The following PPTC7 variants were observed in gnomAD, a reference collection of about 807,000 sequenced individuals.
The protein encoded by PPTC7 is protein phosphatase PTC7 homolog.
In PPTC7, 6 loss-of-function variants were observed where a neutral mutation model predicts 30.8. That is an observed-to-expected ratio of 0.19 (90% confidence interval 0.11 to 0.38). The LOEUF (loss-of-function observed/expected upper bound fraction) is 0.38, where lower values mean the gene tolerates loss of function less well. Among genes scored for constraint, PPTC7 ranks in the 10% least tolerant of loss-of-function variants. The pLI is 1.00. For synonymous variants in PPTC7, 163 were observed against 168.1 expected, an observed-to-expected ratio of 0.97 and a Z score of 0.23; for missense variants, 218 against 404.8, an observed-to-expected ratio of 0.54 and a Z score of 3.96.
chr12:110,536,241 G>T lies in PPTC7; in HGVS notation c.*796C>A, dbSNP rs2064217397. ...CAATTAAATTTCTAGGCTTTGAGGG[G>T]TTTTACAACCTTGAGTATTATTTCC... is the stretch of plus-strand genomic sequence containing the variant. On this transcript the variant is annotated 3_prime_UTR_variant, in exon 6 of 6. Transcript: ENST00000354300. 1 of 152,208 alleles carries T rather than the reference G, an allele frequency of 6.6e-6. No homozygotes were observed. Among genetic ancestry groups the T allele is most frequent in the South Asian group, 2.1e-4 (1 of 4,824 alleles). 9.4% of individuals were successfully genotyped at this position (152,208 alleles called of 1,614,324 possible). A position where few individuals can be genotyped will look rare whatever the true frequency, so the allele number is the denominator to read the frequency against.
intron 3 of PPTC7, among the ~76,000 whole-genome samples, chr12:110,545,117 G>C (rs1375105873): frequency 6.6e-6 from 1 of 151,944 alleles, no homozygotes; most frequent in Non-Finnish European, 1.5e-5. Flanking sequence ...TTTTGAGACA[G>C]AGTCTTGCTC....
At chr12:110,541,808 A>T (rs2064262461) in intron 3 of PPTC7, among the ~76,000 whole-genome samples, 1 of 151,886 alleles carries the variant, frequency 6.6e-6, no homozygotes, top group Non-Finnish European at 1.5e-5. Context: ...CATCATACGT[A>T]GGTATTTATT....
intron 1 of PPTC7, among the ~76,000 whole-genome samples, chr12:110,570,151 G>C (rs2064521453): frequency 1.3e-5 from 2 of 150,898 alleles, no homozygotes; most frequent in African/African-American, 4.9e-5. Context: ...TTGAGATTCT[G>C]TTAATCTATA....
chr12:110,547,488 A>G (rs568321535), intron 2 of PPTC7, among the ~76,000 whole-genome samples: 31 of 152,348 alleles, frequency 2.0e-4, no homozygotes, highest in African/African-American at 7.5e-4. Flanking sequence ...TATAGCCATT[A>G]AGATTATGTA....
intron 1 of PPTC7, among the ~76,000 whole-genome samples, chr12:110,559,531 G>C (rs1002522872): frequency 1.3e-5 from 2 of 151,566 alleles, no homozygotes; most frequent in Non-Finnish European, 2.9e-5. Flanking sequence ...TTCAAGACCA[G>C]CCTGTCCAAC....
intron 1 of PPTC7, among the ~76,000 whole-genome samples, chr12:110,556,932 G>C (rs1439602729): frequency 6.6e-6 from 1 of 152,126 alleles, no homozygotes; most frequent in African/African-American, 2.4e-5. Context: ...AGTGGCATTC[G>C]GATAGGCCCT....
At chr12:110,570,455 G>A (rs1296042395) in intron 1 of PPTC7, among the ~76,000 whole-genome samples, 2 of 25,388 alleles carry the variant, frequency 7.9e-5, no homozygotes, top group African/African-American at 3.0e-4. Context: ...CCCGACACCC[G>A]TAAAGGGTCT....
chr12:110,570,198 C>T (rs1014024477), intron 1 of PPTC7, among the ~76,000 whole-genome samples: 12 of 147,878 alleles, frequency 8.1e-5, no homozygotes, highest in Non-Finnish European at 1.5e-4. Flanking sequence ...GAAACGTGTG[C>T]TGTGTCAACT....
intron 1 of PPTC7, among the ~76,000 whole-genome samples, chr12:110,557,115 T>TA (rs2064395341): frequency 6.6e-6 from 1 of 152,304 alleles, no homozygotes; most frequent in South Asian, 2.1e-4. Flanking sequence ...TTCTTTATGC[T>TA]ACTGACCTGT....
intron 1 of PPTC7, among the ~76,000 whole-genome samples, chr12:110,581,547 T>TA (rs886637384): frequency 6.6e-6 from 1 of 152,230 alleles, no homozygotes; most frequent in Non-Finnish European, 1.5e-5. Context: ...AGGACCTTTC[T>TA]AAGTCTCCCT....
chr12:110,543,599 G>A (rs994591662), intron 3 of PPTC7, among the ~76,000 whole-genome samples: 1 of 152,192 alleles, frequency 6.6e-6, no homozygotes, highest in Non-Finnish European at 1.5e-5. Flanking sequence ...CTGAAGCTCT[G>A]TTTTATGCTG....
intron 1 of PPTC7, 108 bp from the exon 2 acceptor site, chr12:110,552,076 C>T (rs566371348): frequency 4.9e-6 from 4 of 817,178 alleles, no homozygotes; most frequent in African/African-American, 3.5e-5. Context: ...CTACTACATA[C>T]ATTCACTCCA....
intron 1 of PPTC7, among the ~76,000 whole-genome samples, chr12:110,569,170 T>C (rs578087665): frequency 6.6e-6 from 1 of 151,426 alleles, no homozygotes; most frequent in African/African-American, 2.4e-5. Flanking sequence ...CCATCTCTAC[T>C]AAAAATACAA....
chr12:110,581,107 T>C (rs1188809292), intron 1 of PPTC7, among the ~76,000 whole-genome samples: 2 of 152,062 alleles, frequency 1.3e-5, no homozygotes, highest in African/African-American at 4.8e-5. Flanking sequence ...TCCTATGTTA[T>C]GAACACAACT....
intron 1 of PPTC7, among the ~76,000 whole-genome samples, chr12:110,581,542 C>T (rs930935671): frequency 6.6e-6 from 1 of 152,206 alleles, no homozygotes; most frequent in African/African-American, 2.4e-5. Flanking sequence ...GCTGCAGGAC[C>T]TTTCTAAGTC....
chr12:110,542,949 A>G (rs2064274189), intron 3 of PPTC7, among the ~76,000 whole-genome samples: 1 of 152,174 alleles, frequency 6.6e-6, no homozygotes, highest in African/African-American at 2.4e-5. Context: ...GTTCTTGGCG[A>G]CTTCTTAAGG....
intron 1 of PPTC7, among the ~76,000 whole-genome samples, chr12:110,575,789 G>T (rs980308208): frequency 6.6e-6 from 1 of 152,024 alleles, no homozygotes; most frequent in Non-Finnish European, 1.5e-5. Flanking sequence ...GAGATAAACT[G>T]TAAGTTAGGA....
At chr12:110,538,327 TTATC>T (rs1189292529) in intron 4 of PPTC7, 54 bp from the exon 5 acceptor site, 40 of 1,520,594 alleles carry the variant, frequency 2.6e-5, no homozygotes, top group Non-Finnish European at 3.6e-5. Context: ...ACAGTAACAT[TTATC>T]TAACCACCTT....
At chr12:110,542,520 A>G (rs1451623551) in intron 3 of PPTC7, among the ~76,000 whole-genome samples, 2 of 151,870 alleles carry the variant, frequency 1.3e-5, no homozygotes, top group African/African-American at 4.8e-5. Flanking sequence ...AAAAAATACA[A>G]AAAGTTAGAT....
Sources: gnomAD v4.1 joint callset for allele counts (sites outside exome capture counted in the v4.1 genomes callset) on GRCh38, gnomAD v4.1.1 for gene constraint, MANE v1.5 for transcripts, NCBI Gene and HGNC (gene_info 2026-07-23, HGNC 2026-07-21) for gene names.